Variants in HS6ST3 observed in about 807,000 individuals in gnomAD.
The protein encoded by HS6ST3 is heparan-sulfate 6-O-sulfotransferase 3.
In HS6ST3, 12 loss-of-function variants were observed where a neutral mutation model predicts 36.7. That is an observed-to-expected ratio of 0.33 (90% CI 0.21 to 0.53). The LOEUF is 0.53. Ranked by LOEUF, HS6ST3 falls within the 20% of genes least tolerant of loss-of-function variation. The pLI, the probability that HS6ST3 is intolerant of heterozygous loss-of-function variation, is 0.95. For missense variants in HS6ST3, 584 were observed against 640.9 expected, an observed-to-expected ratio of 0.91 and a Z score of 0.96; for synonymous variants, 240 against 257.5, an observed-to-expected ratio of 0.93 and a Z score of 0.65.
At chr13:96,563,411 G>C (rs990193720) in intron 1 of HS6ST3, among the ~76,000 whole-genome samples, 10 of 152,088 alleles carry the variant, frequency 6.6e-5, no homozygotes, top group African/African-American at 2.4e-4. Flanking sequence ...GTTTTTCTTG[G>C]ACAGTTCTTA....
intron 1 of HS6ST3, among the ~76,000 whole-genome samples, chr13:96,336,454 T>C (rs2055101346): frequency 1.3e-5 from 2 of 152,206 alleles, no homozygotes; most frequent in Non-Finnish European, 2.9e-5. Context: ...TGGGTCTTTA[T>C]AGAGGTAATT....
At chr13:96,353,537 T>C (rs2055194893) in intron 1 of HS6ST3, among the ~76,000 whole-genome samples, 1 of 151,988 alleles carries the variant, frequency 6.6e-6, no homozygotes, top group South Asian at 2.1e-4. Flanking sequence ...AATGAAAGTA[T>C]TAGAAGAAAA....
chr13:96,372,293 A>G (rs555569723), intron 1 of HS6ST3, among the ~76,000 whole-genome samples: 3 of 152,222 alleles, frequency 2.0e-5, no homozygotes, highest in South Asian at 4.1e-4. Flanking sequence ...TAAAATGTCT[A>G]TTTAGTTCCT....
At chr13:96,607,855 T>C (rs1446963847) in intron 1 of HS6ST3, among the ~76,000 whole-genome samples, 1 of 152,180 alleles carries the variant, frequency 6.6e-6, no homozygotes, top group Non-Finnish European at 1.5e-5. Flanking sequence ...CTAATCTGAA[T>C]CATCAAAGCG....
intron 1 of HS6ST3, among the ~76,000 whole-genome samples, chr13:96,674,996 A>G (rs2056694367): frequency 6.6e-6 from 1 of 152,158 alleles, no homozygotes; most frequent in Admixed American, 6.6e-5. Context: ...TTAGTCGGAA[A>G]TAACAGTAAA....
chr13:96,448,585 A>C (rs1185045945), intron 1 of HS6ST3, among the ~76,000 whole-genome samples: 2 of 152,098 alleles, frequency 1.3e-5, no homozygotes, highest in Non-Finnish European at 2.9e-5. Flanking sequence ...ATCCGCCCTA[A>C]GCCATTTATA....
At chr13:96,473,619 A>G (rs948660695) in intron 1 of HS6ST3, among the ~76,000 whole-genome samples, 1 of 152,178 alleles carries the variant, frequency 6.6e-6, no homozygotes, top group Non-Finnish European at 1.5e-5. Flanking sequence ...GCGGCGTCCA[A>G]TTACTCAGAA....
intron 1 of HS6ST3, among the ~76,000 whole-genome samples, chr13:96,451,031 C>T (rs2055725268): frequency 6.6e-6 from 1 of 151,910 alleles, no homozygotes; most frequent in South Asian, 2.1e-4. Flanking sequence ...GCAGCTAGAC[C>T]TCAGCTAGTT....
chr13:96,534,383 C>T (rs1310303849), intron 1 of HS6ST3, among the ~76,000 whole-genome samples: 1 of 152,180 alleles, frequency 6.6e-6, no homozygotes, highest in Non-Finnish European at 1.5e-5. Flanking sequence ...CTTTGAAATT[C>T]AGTTTCAATG....
intron 1 of HS6ST3, among the ~76,000 whole-genome samples, chr13:96,462,661 G>T (rs770854956): frequency 7.9e-5 from 12 of 152,144 alleles, no homozygotes; most frequent in Non-Finnish European, 1.5e-4. Context: ...GGAGGAAGAA[G>T]CAAAACTGTC....
chr13:96,756,618 G>A (rs1269060213), intron 1 of HS6ST3, among the ~76,000 whole-genome samples: 1 of 152,178 alleles, frequency 6.6e-6, no homozygotes, highest in Non-Finnish European at 1.5e-5. Context: ...ACAAAAGAAA[G>A]TCTTTCAATG....
chr13:96,683,075 GTC>G (rs769263155), intron 1 of HS6ST3, among the ~76,000 whole-genome samples: 1 of 152,090 alleles, frequency 6.6e-6, no homozygotes, highest in Non-Finnish European at 1.5e-5. Flanking sequence ...ACTTGTCCTA[GTC>G]TCTGCCTTGT....
intron 1 of HS6ST3, among the ~76,000 whole-genome samples, chr13:96,280,540 T>C (rs908959503): frequency 2.0e-5 from 3 of 152,108 alleles, no homozygotes; most frequent in African/African-American, 7.2e-5. Context: ...AAAAGTAGAT[T>C]TTTTTCTAAA....
chr13:96,241,206 T>C (rs2054558011), intron 1 of HS6ST3, among the ~76,000 whole-genome samples: 1 of 152,028 alleles, frequency 6.6e-6, no homozygotes, highest in African/African-American at 2.4e-5. Context: ...ATCATTAAAA[T>C]AATTTTTGAT....
At chr13:96,251,068 T>C (rs2054605685) in intron 1 of HS6ST3, among the ~76,000 whole-genome samples, 1 of 152,222 alleles carries the variant, frequency 6.6e-6, no homozygotes, top group South Asian at 2.1e-4. Flanking sequence ...TGTAGTATCC[T>C]CATCTGGCTT....
chr13:96,588,962 A>G (rs762442363), intron 1 of HS6ST3, among the ~76,000 whole-genome samples: 10 of 151,834 alleles, frequency 6.6e-5, no homozygotes, highest in Non-Finnish European at 1.2e-4. Context: ...GAGGCAGGAG[A>G]ATCACTTGAA....
At chr13:96,599,611 T>C (rs908719496) in intron 1 of HS6ST3, among the ~76,000 whole-genome samples, 3 of 146,754 alleles carry the variant, frequency 2.0e-5, no homozygotes, top group Non-Finnish European at 4.5e-5. Flanking sequence ...GTCCTTTGTA[T>C]TTTTTTTGTT....
At chr13:96,105,486 AC>A in intron 1 of HS6ST3, among the ~76,000 whole-genome samples, 1 of 152,046 alleles carries the variant, frequency 6.6e-6, no homozygotes, top group Non-Finnish European at 1.5e-5. Context: ...ACCTGTCTCT[AC>A]TAAAAATACA....
chr13:96,516,554 T>C (rs1281377614), intron 1 of HS6ST3, among the ~76,000 whole-genome samples: 2 of 152,188 alleles, frequency 1.3e-5, no homozygotes, highest in East Asian at 3.8e-4. Context: ...TATATTTTGT[T>C]GAAATATATA....
Sources: gnomAD v4.1 joint callset for allele counts (sites outside exome capture counted in the v4.1 genomes callset) on GRCh38, gnomAD v4.1.1 for gene constraint, MANE v1.5 for transcripts, NCBI Gene and HGNC (gene_info 2026-07-23, HGNC 2026-07-21) for gene names.